The following GALNTL6 variants were observed in gnomAD, a reference collection of about 807,000 sequenced individuals.
The protein encoded by GALNTL6 is polypeptide N-acetylgalactosaminyltransferase-like 6.
In GALNTL6, 46 loss-of-function variants were observed where a neutral mutation model predicts 73.7. The ratio of observed to expected loss-of-function variants is 0.62; its 90% confidence interval spans 0.49 to 0.80. GALNTL6 has a LOEUF of 0.80. Ranked by LOEUF, GALNTL6 falls within the 30% of genes least tolerant of loss-of-function variation. GALNTL6 has a pLI of 0.00. For missense variants in GALNTL6, 604 were observed against 755.0 expected (o/e 0.80, Z 2.34); for synonymous variants, 259 against 263.7 (o/e 0.98, Z 0.17).
chr4:171,894,016 CATT>C (rs888213676), intron 2 of GALNTL6, among the ~76,000 whole-genome samples: 2 of 134,204 alleles, frequency 1.5e-5, no homozygotes, highest in African/African-American at 5.5e-5. Flanking sequence ...ACATCATCAT[CATT>C]ATTTTTCCCC....
chr4:172,985,736 G>A (rs1751261680), intron 10 of GALNTL6, among the ~76,000 whole-genome samples: 1 of 152,190 alleles, frequency 6.6e-6, no homozygotes, highest in African/African-American at 2.4e-5. Context: ...TCCTAGGTGG[G>A]AACCACAAGA....
At chr4:172,348,721 T>C in intron 5 of GALNTL6, 32 bp downstream of exon 5, 6 of 1,433,790 alleles carry the variant, frequency 4.2e-6, no homozygotes, top group Non-Finnish European at 5.7e-6. Context: ...TTTATCTGAT[T>C]CTGCTACCAT....
At chr4:172,128,995 C>A (rs2111013949) in intron 2 of GALNTL6, among the ~76,000 whole-genome samples, 1 of 152,188 alleles carries the variant, frequency 6.6e-6, no homozygotes, top group East Asian at 1.9e-4. Context: ...TAGAATTAAT[C>A]CTTTGATTAA....
intron 12 of GALNTL6, among the ~76,000 whole-genome samples, chr4:173,033,986 C>T (rs756866800): frequency 2.0e-5 from 3 of 152,170 alleles, no homozygotes; most frequent in Non-Finnish European, 4.4e-5. Context: ...ATCTCCAACT[C>T]GTCATACCTA....
intron 5 of GALNTL6, among the ~76,000 whole-genome samples, chr4:172,597,704 G>A (rs1737915557): frequency 6.6e-6 from 1 of 152,106 alleles, no homozygotes; most frequent in South Asian, 2.1e-4. Flanking sequence ...TTAATTTGTT[G>A]TCAATACATT....
intron 9 of GALNTL6, among the ~76,000 whole-genome samples, chr4:172,932,871 A>G (rs930639452): frequency 6.6e-6 from 1 of 152,150 alleles, no homozygotes; most frequent in African/African-American, 2.4e-5. Context: ...TGTATTTTAT[A>G]TTTTCAGATT....
chr4:172,551,534 C>A (rs1038417916), intron 5 of GALNTL6, among the ~76,000 whole-genome samples: 1 of 151,960 alleles, frequency 6.6e-6, no homozygotes, highest in African/African-American at 2.4e-5. Context: ...TTTATGCTAA[C>A]AATGTAAATA....
intron 8 of GALNTL6, among the ~76,000 whole-genome samples, chr4:172,920,196 C>A (rs1747725110): frequency 6.6e-6 from 1 of 152,168 alleles, no homozygotes. Flanking sequence ...TTTCTAACTT[C>A]TACTTTTATT....
At chr4:172,679,708 C>T (rs1275067973) in intron 5 of GALNTL6, among the ~76,000 whole-genome samples, 1 of 152,104 alleles carries the variant, frequency 6.6e-6, no homozygotes, top group Non-Finnish European at 1.5e-5. Context: ...ATATACATTG[C>T]TTATTTAATC....
At chr4:172,523,877 G>C (rs1484814735) in intron 5 of GALNTL6, among the ~76,000 whole-genome samples, 1 of 151,986 alleles carries the variant, frequency 6.6e-6, no homozygotes, top group Non-Finnish European at 1.5e-5. Context: ...ACATACAAAA[G>C]ATATATAACT....
chr4:172,643,478 G>T (rs1376103438), intron 5 of GALNTL6, among the ~76,000 whole-genome samples: 1 of 151,932 alleles, frequency 6.6e-6, no homozygotes, highest in Non-Finnish European at 1.5e-5. Flanking sequence ...CAAAGTGAAT[G>T]TATTCATGTA....
chr4:172,046,260 A>G (rs1742218280), intron 2 of GALNTL6, among the ~76,000 whole-genome samples: 1 of 152,048 alleles, frequency 6.6e-6, no homozygotes, highest in African/African-American at 2.4e-5. Context: ...TCTTTTGGGC[A>G]CGTACCCAGA....
chr4:172,627,645 G>GT (rs920371912), intron 5 of GALNTL6, among the ~76,000 whole-genome samples: 1 of 151,694 alleles, frequency 6.6e-6, no homozygotes, highest in Non-Finnish European at 1.5e-5. Flanking sequence ...GCGTTGGTAG[G>GT]TTTTTTATTA....
chr4:172,481,314 G>C (rs886618846), intron 5 of GALNTL6, among the ~76,000 whole-genome samples: 1 of 142,574 alleles, frequency 7.0e-6, no homozygotes, highest in African/African-American at 2.5e-5. Context: ...AGACCTTCAT[G>C]GTGAGTGTTA....
intron 5 of GALNTL6, among the ~76,000 whole-genome samples, chr4:172,384,733 A>G (rs1244694553): frequency 1.3e-5 from 2 of 152,124 alleles, no homozygotes; most frequent in African/African-American, 4.8e-5. Context: ...GTTTACAGAC[A>G]TAAATTTCCC....
intron 2 of GALNTL6, among the ~76,000 whole-genome samples, chr4:172,177,144 G>A (rs1295152066): frequency 6.6e-6 from 1 of 152,160 alleles, no homozygotes; most frequent in African/African-American, 2.4e-5. Flanking sequence ...AGGAGAATTA[G>A]TAAAAATGAA....
intron 5 of GALNTL6, among the ~76,000 whole-genome samples, chr4:172,582,635 T>C (rs1235877761): frequency 6.6e-6 from 1 of 152,106 alleles, no homozygotes; most frequent in East Asian, 1.9e-4. Flanking sequence ...ATGTAAAGAT[T>C]TACTACTAGT....
At chr4:172,479,986 T>C (rs1323962463) in intron 5 of GALNTL6, among the ~76,000 whole-genome samples, 1 of 152,180 alleles carries the variant, frequency 6.6e-6, no homozygotes, top group African/African-American at 2.4e-5. Context: ...TTATTACCTG[T>C]TGACAATTCT....
intron 5 of GALNTL6, among the ~76,000 whole-genome samples, chr4:172,599,647 C>A (rs960087208): frequency 6.6e-6 from 1 of 152,116 alleles, no homozygotes; most frequent in Non-Finnish European, 1.5e-5. Context: ...TACCACCTGG[C>A]AGTTATATAT....
Sources: allele counts gnomAD v4.1 joint callset (sites outside exome capture counted in the v4.1 genomes callset), GRCh38; gene constraint gnomAD v4.1.1; transcripts MANE v1.5; gene names NCBI Gene and HGNC (gene_info 2026-07-23, HGNC 2026-07-21).